DNAH2: variants seen among roughly 807,000 people sequenced by gnomAD.
The protein encoded by DNAH2 is dynein axonemal heavy chain 2.
DNAH2 carries 323 observed loss-of-function variants against 523.5 expected under a neutral mutation model. The observed-to-expected ratio is 0.62, with a 90% confidence interval of 0.56 to 0.68. The LOEUF (loss-of-function observed/expected upper bound fraction) is 0.68, where lower values mean the gene tolerates loss of function less well. Among genes scored for constraint, DNAH2 ranks in the 30% least tolerant of loss-of-function variants. The pLI, the probability that DNAH2 is intolerant of heterozygous loss-of-function variation, is 0.00. For missense variants in DNAH2, 4,907 were observed against 5,701.5 expected (o/e 0.86, Z 4.49); for synonymous variants, 2,093 against 2,177.4 (o/e 0.96, Z 1.08).
Position 7,734,841 on chromosome 17 carries a change from T to C in DNAH2, c.978+133T>C, listed in dbSNP as rs1335143772. ...AGACTGACCCACCCAGGGTTCGGCC[T>C]TGTACTTGCAGGAGAGTATAAAATA... On this transcript the variant is annotated intron_variant, in intron 7 of 85. Transcript: ENST00000572933. 3.5e-6 allele frequency: 3 copies of C among 852,860 alleles called. No homozygotes were observed. In the African/African-American group the frequency reaches 5.1e-5, roughly 14 times the overall value. 52.8% of individuals were successfully genotyped at this position (852,860 alleles called of 1,614,324 possible). A position where few individuals can be genotyped will look rare whatever the true frequency, so the allele number is the denominator to read the frequency against.
rs758569474 is a variant in DNAH2, at chr17:7,818,668, T to C, written c.10562T>C (p.Ile3521Thr). 8 of 1,614,012 alleles carry C rather than the reference T, an allele frequency of 5.0e-6. No homozygotes were observed. In the South Asian group the frequency reaches 5.5e-5, roughly 11 times the overall value. ...EQGLEAQLLG[I>T]VVRKERPELE... ...GGCCTGGAGGCCCAGCTGCTGGGCA[T>C]TGTGGTGCGGAAGGAGCGGCCTGAG... The change falls in exon 70 of 86, where the codon ATT becomes ACT. Residue 3521 changes from isoleucine (I) to threonine (T), a missense_variant. Ile to Thr is a moderately conservative substitution (Grantham distance 89). This residue lies in a region of DNAH2 where 1,851 missense variants were observed against 2,139.4 expected (regional missense o/e 0.87). Transcript: ENST00000572933.
rs1260680136 is a variant in DNAH2, at chr17:7,804,118, G to A, written c.8973-138G>A. ...CCCAGGCAGGAAGTGATAGAATCCCGACCAGGATGGTGGGGGTAGTGTTGG... is the reference window on the plus strand; with the variant it reads ...CCCAGGCAGGAAGTGATAGAATCCCAACCAGGATGGTGGGGGTAGTGTTGG... On this transcript the variant is annotated intron_variant, in intron 58 of 85. Coordinates refer to ENST00000572933, the MANE Select transcript of DNAH2 (RefSeq NM_020877.5). 20 of 827,220 alleles carry A rather than the reference G, an allele frequency of 2.4e-5. No individual in the cohort carries two copies. In the South Asian group the frequency reaches 2.6e-4, roughly 11 times the overall value. The allele number at this position is 827,220 out of a possible 1,614,324, so 51.2% of individuals were successfully genotyped here. A position where few individuals can be genotyped will look rare whatever the true frequency, so the allele number is the denominator to read the frequency against.
chr17:7,724,371 G>A (rs963357505), intron 3 of DNAH2, among the ~76,000 whole-genome samples: 12 of 152,044 alleles, frequency 7.9e-5, no homozygotes, highest in East Asian at 3.9e-4. Flanking sequence ...CTGTAATCCC[G>A]CACTTTAGGA....
In DNAH2 at chr17:7,776,062, C is replaced by T. The variant is rs749333128; in HGVS notation, c.4860C>T (p.Thr1620=). The T allele has an allele frequency of 6.8e-6, 11 of 1,614,008 alleles. No individual in the cohort carries two copies. The South Asian group carries it at 9.9e-5, about 14-fold the overall frequency. Reference sequence around the variant, plus strand: ...ATGTGGAACAGACCATGAGGGTGACCCTGCGGGACCTTCTCCGGAACTGCC... The same window carrying T: ...ATGTGGAACAGACCATGAGGGTGACTCTGCGGGACCTTCTCCGGAACTGCC... ...LGDVEQTMRV[T]LRDLLRNCHL... is the part of the protein sequence containing the mutation. The change falls in exon 31 of 86, where the codon ACC becomes ACT. Residue 1620 remains threonine, a synonymous_variant. Coordinates refer to ENST00000572933, the MANE Select transcript of DNAH2 (RefSeq NM_020877.5).
rs2077069310 is a variant in DNAH2 at position 7,796,587 on chromosome 17, G to A, written c.7798G>A (p.Val2600Ile). Reference sequence around the variant, plus strand: ...CACCCTGGACATGTACAACACCGTGGTACAGCGCTTCCTGCCCACGCCCAC... The same window carrying A: ...CACCCTGGACATGTACAACACCGTGATACAGCGCTTCCTGCCCACGCCCAC... ...EATLDMYNTV[V>I]QRFLPTPTKM... Residue 2600 changes from valine to isoleucine, a missense_variant, in exon 50 of 86, where the codon GTA becomes ATA. Val to Ile is a conservative substitution (Grantham distance 29). This residue lies in a region of DNAH2 where 250 missense variants were observed against 371.3 expected (regional missense o/e 0.67). Transcript: ENST00000572933. The A allele has an allele frequency of 1.2e-6, 2 of 1,613,350 alleles. No homozygotes were observed. Among genetic ancestry groups the A allele is most frequent in the Non-Finnish European group, 1.7e-6 (2 of 1,179,912 alleles).
At position 7,798,096 on chromosome 17, in the gene DNAH2, C is replaced by G; in HGVS notation, c.8231-61C>G. The G allele has an allele frequency of 2.0e-6, 3 of 1,524,814 alleles. No homozygotes were observed. Among genetic ancestry groups the G allele is most frequent in the Non-Finnish European group, 2.6e-6 (3 of 1,135,832 alleles). The allele number at this position is 1,524,814 out of a possible 1,614,324, so 94.5% of individuals were successfully genotyped here. A position where few individuals can be genotyped will look rare whatever the true frequency, so the allele number is the denominator to read the frequency against. ...AGGGGCCCCAATCCCTAGCCTAGGG[C>G]CTGGAGGTCCCCTGAGTTTGCTCAG... On this transcript the variant is annotated intron_variant, in intron 53 of 85. Transcript: ENST00000572933. The surrounding 1 kb of genome is among the most constrained non-coding windows in gnomAD (Gnocchi z 5.5).
At chr17:7,787,645 A>G in intron 42 of DNAH2, 1 of 496,036 alleles carries the variant, frequency 2.0e-6, no homozygotes, top group South Asian at 2.6e-5. Context: ...CTGAGGTGGG[A>G]GGATTGCTTG....
rs1480425645 is a variant in DNAH2 at position 7,759,605 on chromosome 17, G to A, written c.2632G>A (p.Ala878Thr). ...GAAGAATGATCTGCAAGGAAGTGTG[G>A]CACAGGTAAGAACCACTTTGCCCCC... Reference protein sequence around the residue: ...ILKNDLQGSVAQVEFSPTLQT... With the variant: ...ILKNDLQGSVTQVEFSPTLQT... Residue 878 changes from alanine (A) to threonine (T), a missense_variant, in exon 16 of 86, where the codon GCA becomes ACA. Transcript: ENST00000572933. The A allele has an allele frequency of 3.7e-6, 6 of 1,613,256 alleles. No homozygotes were observed. In the African/African-American group the frequency reaches 8.0e-5, roughly 22 times the overall value.
intron 10 of DNAH2, 83 bp downstream of exon 10, chr17:7,740,632 A>C: frequency 6.3e-7 from 1 of 1,575,462 alleles, no homozygotes; most frequent in Non-Finnish European, 8.6e-7. Context: ...TCCTGCCTCC[A>C]CGTGTGCCCT....
intron 11 of DNAH2, 25 bp downstream of exon 11, chr17:7,741,017 T>TCTGA (rs754035909): frequency 6.3e-6 from 10 of 1,579,564 alleles, no homozygotes; most frequent in South Asian, 2.2e-5. Context: ...TTCTCCATAT[T>TCTGA]CTGTCGTCAG....
At position 7,807,594 on chromosome 17, in the gene DNAH2, G is replaced by T. The variant is rs1429765079; in HGVS notation, c.9729+8G>T. ...CAGGAGAAGCTGCGGGAGGTGAGCT[G>T]ATCGCCTGTCCTTTCCACGGAGGTC... On this transcript the variant is annotated splice_region_variant and intron_variant, in intron 63 of 85. Transcript: ENST00000572933. The surrounding 1 kb of genome is among the most constrained non-coding windows in gnomAD (Gnocchi z 5.6). 1 of 1,608,412 alleles carries T rather than the reference G, an allele frequency of 6.2e-7. No individual in the cohort carries two copies. The highest frequency in any genetic ancestry group is 8.5e-7 in the Non-Finnish European group (1 of 1,178,904).
chr17:7,764,913 G>A (rs2076118718), intron 20 of DNAH2, among the ~76,000 whole-genome samples: 1 of 144,752 alleles, frequency 6.9e-6, no homozygotes, highest in Non-Finnish European at 1.5e-5. Context: ...TGCAATCATG[G>A]CTCACTGCAG....
intron 39 of DNAH2, among the ~76,000 whole-genome samples, chr17:7,783,630 G>C (rs11658365): frequency 0.88 from 133,715 of 151,826 alleles, 59,953 homozygotes; most frequent in East Asian, 0.98. Context: ...TGAGACCAGC[G>C]TGGGCAACAT....
chr17:7,775,378 T>C (rs778708087), intron 30 of DNAH2, 36 bp downstream of exon 30: 8 of 1,576,724 alleles, frequency 5.1e-6, no homozygotes, highest in Admixed American at 1.8e-5. Context: ...CCTAGCTGAT[T>C]CTTCTTCCTA....
intron 44 of DNAH2, 57 bp downstream of exon 44, chr17:7,788,301 A>T: frequency 6.7e-7 from 1 of 1,496,948 alleles, no homozygotes; most frequent in Non-Finnish European, 8.9e-7. Flanking sequence ...GCCTCACCAG[A>T]ACAACTTCTG....
intron 24 of DNAH2, among the ~76,000 whole-genome samples, chr17:7,769,135 A>G (rs913661377): frequency 6.6e-6 from 1 of 151,940 alleles, no homozygotes; most frequent in Admixed American, 6.6e-5. Flanking sequence ...GGAGTTGTCT[A>G]TCATGACTAA....
rs1392906096 is a variant in DNAH2 at position 7,792,254 on chromosome 17, C to T, written c.7056C>T (p.Asp2352=). ...REIEGSFPNK[D]TVYEYFVDPK... ...CCTGACCTACATGCCCTCCTTAGGA[C>T]ACGGTATATGAGTATTTTGTGGACC... The change falls in exon 46 of 86, where the codon GAC becomes GAT. Residue 2352 remains aspartate (D), a splice_region_variant and synonymous_variant. Transcript: ENST00000572933. 2 of 1,613,786 alleles carry T rather than the reference C, an allele frequency of 1.2e-6. No homozygotes were observed. Among genetic ancestry groups the T allele is most frequent in the East Asian group, 2.2e-5 (1 of 44,884 alleles).
At chr17:7,761,721 G>T (rs1029061252) in intron 18 of DNAH2, among the ~76,000 whole-genome samples, 1 of 152,064 alleles carries the variant, frequency 6.6e-6, no homozygotes, top group Non-Finnish European at 1.5e-5. Flanking sequence ...CTGACCTCAA[G>T]TCATCCACCC....
chr17:7,743,247 C>G (rs1407137238), intron 12 of DNAH2, 105 bp downstream of exon 12: 1 of 1,205,448 alleles, frequency 8.3e-7, no homozygotes, highest in Non-Finnish European at 1.2e-6. Flanking sequence ...CTCTCTCTTT[C>G]TCATACAATA....
Sources: allele counts gnomAD v4.1 joint callset (sites outside exome capture counted in the v4.1 genomes callset), GRCh38; gene constraint gnomAD v4.1.1; regional missense constraint gnomAD v4.1.1; non-coding constraint Gnocchi (gnomAD v3.1); transcripts MANE v1.5; gene names NCBI Gene and HGNC (gene_info 2026-07-23, HGNC 2026-07-21).